Variants in NALF1 observed in about 807,000 individuals in gnomAD.
The protein encoded by NALF1 is family with sequence similarity 155 member A.
In NALF1, 3 loss-of-function variants were observed where a neutral mutation model predicts 48.4. The observed-to-expected ratio is 0.06, with a 90% CI of 0.03 to 0.16. The LOEUF is 0.16. Ranked by LOEUF, NALF1 falls within the 10% of genes least tolerant of loss-of-function variation. The pLI is 1.00. For missense variants in NALF1, 526 were observed against 571.5 expected (o/e 0.92, Z 0.81); for synonymous variants, 262 against 245.7 (o/e 1.07, Z -0.62).
intron 1 of NALF1, among the ~76,000 whole-genome samples, chr13:107,696,154 C>T (rs1428127067): frequency 1.3e-5 from 2 of 152,166 alleles, no homozygotes; most frequent in African/African-American, 4.8e-5. Flanking sequence ...TTCTTGGCCT[C>T]CCAAAGTGCT....
chr13:107,510,797 T>G (rs1216208576), intron 1 of NALF1, among the ~76,000 whole-genome samples: 2 of 152,098 alleles, frequency 1.3e-5, no homozygotes, highest in East Asian at 3.9e-4. Flanking sequence ...AAACACAAAC[T>G]TTGTTCATAC....
At chr13:107,816,047 A>G (rs1459587204) in intron 1 of NALF1, among the ~76,000 whole-genome samples, 1 of 152,198 alleles carries the variant, frequency 6.6e-6, no homozygotes, top group African/African-American at 2.4e-5. Context: ...AAATGTTCCA[A>G]AAGCGTTTAT....
chr13:107,334,916 T>G (rs906181408), intron 1 of NALF1, among the ~76,000 whole-genome samples: 2 of 152,094 alleles, frequency 1.3e-5, no homozygotes, highest in South Asian at 4.1e-4. Flanking sequence ...CAGGAAGAAT[T>G]TGGGATAGAG....
At chr13:107,733,932 G>C (rs76603560) in intron 1 of NALF1, among the ~76,000 whole-genome samples, 1 of 152,012 alleles carries the variant, frequency 6.6e-6, no homozygotes, top group African/African-American at 2.4e-5. Flanking sequence ...TTACTTACAC[G>C]AACCTAGATG....
At chr13:107,205,745 G>A (rs1417748255) in intron 2 of NALF1, among the ~76,000 whole-genome samples, 2 of 152,116 alleles carry the variant, frequency 1.3e-5, no homozygotes, top group Admixed American at 1.3e-4. Flanking sequence ...CTCTGTAAGA[G>A]AGCAGTAAAT....
intron 1 of NALF1, among the ~76,000 whole-genome samples, chr13:107,412,565 T>C (rs1321860345): frequency 6.6e-6 from 1 of 152,182 alleles, no homozygotes; most frequent in Non-Finnish European, 1.5e-5. Context: ...AGAATGATAG[T>C]AGTAAATTGC....
intron 1 of NALF1, among the ~76,000 whole-genome samples, chr13:107,240,782 G>A (rs562081134): frequency 2.5e-4 from 38 of 151,902 alleles, no homozygotes; most frequent in African/African-American, 8.7e-4. Context: ...ATTCAAAGAG[G>A]AAACTGTCAA....
chr13:107,350,263 T>C (rs1882850037), intron 1 of NALF1, among the ~76,000 whole-genome samples: 1 of 152,194 alleles, frequency 6.6e-6, no homozygotes, highest in South Asian at 2.1e-4. Flanking sequence ...AAGACTCAAA[T>C]GTATTTTCAT....
chr13:107,554,129 C>T (rs1055577997), intron 1 of NALF1, among the ~76,000 whole-genome samples: 5 of 152,294 alleles, frequency 3.3e-5, no homozygotes, highest in East Asian at 1.9e-4. Context: ...CCTGACACTA[C>T]GTAGGGTTCC....
At chr13:107,429,149 C>G (rs1212924796) in intron 1 of NALF1, among the ~76,000 whole-genome samples, 1 of 151,776 alleles carries the variant, frequency 6.6e-6, no homozygotes, top group African/African-American at 2.4e-5. Context: ...ATGGTGAAAC[C>G]CCCCTCTCTA....
At chr13:107,689,495 A>ATTAT (rs1382681669) in intron 1 of NALF1, among the ~76,000 whole-genome samples, 1 of 152,214 alleles carries the variant, frequency 6.6e-6, no homozygotes, top group Non-Finnish European at 1.5e-5. Context: ...ACTGTAAAGA[A>ATTAT]TTATACCTTG....
intron 1 of NALF1, among the ~76,000 whole-genome samples, chr13:107,229,788 C>T (rs1880181911): frequency 6.6e-6 from 1 of 152,158 alleles, no homozygotes; most frequent in Admixed American, 6.5e-5. Flanking sequence ...ATTAAAGTCT[C>T]CCTGGGCTCA....
chr13:107,526,550 G>A (rs1299481224), intron 1 of NALF1, among the ~76,000 whole-genome samples: 1 of 152,114 alleles, frequency 6.6e-6, no homozygotes, highest in East Asian at 1.9e-4. Context: ...GGATTGAGTT[G>A]CATTCTAATG....
chr13:107,783,555 G>A (rs1329182607), intron 1 of NALF1, among the ~76,000 whole-genome samples: 1 of 152,176 alleles, frequency 6.6e-6, no homozygotes, highest in East Asian at 1.9e-4. Context: ...GTTGATCTGT[G>A]ACCTTACCCC....
intron 1 of NALF1, among the ~76,000 whole-genome samples, chr13:107,535,612 G>A (rs1268050985): frequency 6.6e-6 from 1 of 152,076 alleles, no homozygotes; most frequent in Non-Finnish European, 1.5e-5. Flanking sequence ...CCATGCTCAT[G>A]GATATGAAGA....
At chr13:107,532,378 G>T (rs940392849) in intron 1 of NALF1, among the ~76,000 whole-genome samples, 1 of 151,934 alleles carries the variant, frequency 6.6e-6, no homozygotes, top group Admixed American at 6.6e-5. Flanking sequence ...GGACTGTTTT[G>T]CTGCTTCCTT....
At chr13:107,418,763 C>T (rs1884136341) in intron 1 of NALF1, among the ~76,000 whole-genome samples, 1 of 152,114 alleles carries the variant, frequency 6.6e-6, no homozygotes, top group Admixed American at 6.6e-5. Flanking sequence ...ACCATGTGGA[C>T]TCAATGTTTA....
chr13:107,751,433 G>A (rs1312273072), intron 1 of NALF1, among the ~76,000 whole-genome samples: 1 of 152,110 alleles, frequency 6.6e-6, no homozygotes, highest in Non-Finnish European at 1.5e-5. Context: ...CTGGTGTTCG[G>A]ACCAAACACA....
intron 1 of NALF1, among the ~76,000 whole-genome samples, chr13:107,859,914 CAAAAAAAA>C (rs778833499): frequency 1.5e-5 from 1 of 66,494 alleles, no homozygotes; most frequent in East Asian, 3.3e-4. Flanking sequence ...AACTCCAACT[CAAAAAAAA>C]AAAAAAAAAA....
Sources: allele counts gnomAD v4.1 joint callset (sites outside exome capture counted in the v4.1 genomes callset), GRCh38; gene constraint gnomAD v4.1.1; transcripts MANE v1.5; gene names NCBI Gene and HGNC (gene_info 2026-07-23, HGNC 2026-07-21).